The following ZBED3 variants were observed in gnomAD, a reference collection of about 807,000 sequenced individuals.
ZBED3 encodes zinc finger BED-type containing 3.
For synonymous variants in ZBED3, 175 were observed against 180.0 expected, an observed-to-expected ratio of 0.97 and a Z score of 0.22; for missense variants, 388 against 362.9, an observed-to-expected ratio of 1.07 and a Z score of -0.56.
chr5:77,077,701 CG>C lies in ZBED3; in HGVS notation c.177del (p.His61IlefsTer33), dbSNP rs1236057379. 3 of 1,345,820 alleles carry C rather than the reference CG, an allele frequency of 2.2e-6. No individual in the cohort carries two copies. Among genetic ancestry groups the C allele is most frequent in the South Asian group, 1.8e-5 (1 of 55,162 alleles). 83.4% of individuals were successfully genotyped at this position (1,345,820 alleles called of 1,614,324 possible). A position where few individuals can be genotyped will look rare whatever the true frequency, so the allele number is the denominator to read the frequency against. On this transcript the variant is annotated frameshift_variant, in exon 3 of 3. Transcript: ENST00000255198. LOFTEE classifies it low-confidence loss of function (END_TRUNC). ...WGYFHLAPGR[P>X]GHPSGHWATC... ...GTGGCCCAGTGGCCCGACGGATGCC[CG>C]GGGCGCCCCGGCGCCAGGTGGAAGT... is the stretch of plus-strand genomic sequence containing the variant.
Position 77,084,178 on chromosome 5 carries a change from C to T in ZBED3, c.-153+2933G>A, listed in dbSNP as rs187020777. 4.4e-4 allele frequency among the ~76,000 whole-genome samples: 67 copies of T among 152,274 alleles called. No individual in the cohort carries two copies. The East Asian group carries it at 7.7e-3, about 18-fold the overall frequency. ...ATAGTCTTTGCCCTCAGGAAGCGTACGGTCTGGTTGGGAAAGAGATGCTTC... is the reference window on the plus strand; with the variant it reads ...ATAGTCTTTGCCCTCAGGAAGCGTATGGTCTGGTTGGGAAAGAGATGCTTC... On this transcript the variant is annotated intron_variant, in intron 1 of 2. Coordinates refer to ENST00000255198, the MANE Select transcript of ZBED3 (RefSeq NM_032367.4).
Position 77,077,151 on chromosome 5 carries a change from G to T in ZBED3, c.*23C>A. ...GCATTGGACGGAGAAGCGCTGTCCT[G>T]GGGTGGGGAAGTGGCCACACCCCTA... On this transcript the variant is annotated 3_prime_UTR_variant, in exon 3 of 3. Transcript: ENST00000255198. 1 of 1,410,314 alleles carries T rather than the reference G, an allele frequency of 7.1e-7. No homozygotes were observed. Among genetic ancestry groups the T allele is most frequent in the Non-Finnish European group, 9.2e-7 (1 of 1,082,580 alleles). 87.4% of individuals were successfully genotyped at this position (1,410,314 alleles called of 1,614,324 possible).
Position 77,075,969 on chromosome 5 carries a change from A to ATGTATATATG in ZBED3, c.*1204_*1205insCATATATACA, listed in dbSNP as rs1554048027. On this transcript the variant is annotated 3_prime_UTR_variant, in exon 3 of 3. Coordinates refer to ENST00000255198, the MANE Select transcript of ZBED3 (RefSeq NM_032367.4). ...CATATATATATATATATATATATGT[A>ATGTATATATG]TATGTATATATGTATATATATATGT... 1 of 20,164 alleles carries ATGTATATATG rather than the reference A, an allele frequency of 5.0e-5. No individual in the cohort carries two copies. The highest frequency in any genetic ancestry group is 9.9e-5 in the Non-Finnish European group (1 of 10,138). The allele number at this position is 20,164 out of a possible 1,614,324, so 1.2% of individuals were successfully genotyped here.
Position 77,077,522 on chromosome 5 carries a change from G to A in ZBED3, c.357C>T (p.Pro119=). 1 of 1,204,350 alleles carries A rather than the reference G, an allele frequency of 8.3e-7. No individual in the cohort carries two copies. Among genetic ancestry groups the A allele is most frequent in the Non-Finnish European group, 1.0e-6 (1 of 973,374 alleles). 74.6% of individuals were successfully genotyped at this position (1,204,350 alleles called of 1,614,324 possible). The part of the protein sequence containing the change: ...SPPAAPCPPP[P]GPAAAPEGDW... Reference sequence around the variant, plus strand: ...CGCCCTCGGGGGCCGCAGCGGGGCCGGGCGGCGGCGGGCAGGGCGCGGCAG... The same window carrying A: ...CGCCCTCGGGGGCCGCAGCGGGGCCAGGCGGCGGCGGGCAGGGCGCGGCAG... Residue 119 remains proline, a synonymous_variant, in exon 3 of 3, where the codon CCC becomes CCT. Coordinates refer to ENST00000255198, the MANE Select transcript of ZBED3 (RefSeq NM_032367.4).
At position 77,075,315 on chromosome 5, in the gene ZBED3, G is replaced by A. The variant is rs541373195; in HGVS notation, c.*1859C>T. 3.9e-5 allele frequency: 6 copies of A among 152,350 alleles called. No homozygotes were observed. In the East Asian group the frequency reaches 1.2e-3, roughly 29 times the overall value. 9.4% of individuals were successfully genotyped at this position (152,350 alleles called of 1,614,324 possible). On this transcript the variant is annotated 3_prime_UTR_variant, in exon 3 of 3. Transcript: ENST00000255198. ...ATGTTGGGGTTGTTGTAGACTGAAAGTGACTAGAGTTGAAACCAAAAGAAT... is the reference window on the plus strand; with the variant it reads ...ATGTTGGGGTTGTTGTAGACTGAAAATGACTAGAGTTGAAACCAAAAGAAT...
intron 1 of ZBED3, among the ~76,000 whole-genome samples, chr5:77,083,474 C>T (rs1375147433): frequency 1.3e-5 from 2 of 152,182 alleles, no homozygotes; most frequent in Non-Finnish European, 2.9e-5. Context: ...CCCAGCCCAC[C>T]CGAGTCTCAA....
At chr5:77,084,802 C>A (rs1561300095) in intron 1 of ZBED3, among the ~76,000 whole-genome samples, 1 of 152,192 alleles carries the variant, frequency 6.6e-6, no homozygotes, top group Non-Finnish European at 1.5e-5. Flanking sequence ...AAACACATTA[C>A]CCTTAGTACT....
intron 1 of ZBED3, among the ~76,000 whole-genome samples, chr5:77,086,533 G>A (rs2150743742): frequency 6.6e-6 from 1 of 151,956 alleles, no homozygotes; most frequent in African/African-American, 2.4e-5. Context: ...TTCCTTCAAG[G>A]GGGTTTTTGC....
rs1201031272 is a variant in ZBED3 at position 77,073,883 on chromosome 5, T to C, written c.*3291A>G. 6.6e-6 allele frequency: 1 copy of C among 152,172 alleles called. No individual in the cohort carries two copies. The allele number at this position is 152,172 out of a possible 1,614,324, so 9.4% of individuals were successfully genotyped here. ...TCAGGGTCAGGCAGGGGAGGTGAGA[T>C]AAAAACCCACAGCCATACACTAGCT... On this transcript the variant is annotated 3_prime_UTR_variant, in exon 3 of 3. Coordinates refer to ENST00000255198, the MANE Select transcript of ZBED3 (RefSeq NM_032367.4).
chr5:77,078,887 C>T (rs1743076855), intron 1 of ZBED3, among the ~76,000 whole-genome samples, 159 bp from the exon 2 acceptor site: 3 of 152,176 alleles, frequency 2.0e-5, no homozygotes, highest in African/African-American at 7.2e-5. Flanking sequence ...AATTAGTTTT[C>T]TTTATTGTTT....
rs1400792086 is a variant in ZBED3 at position 77,072,275 on chromosome 5, T to C, written c.*4899A>G. On this transcript the variant is annotated 3_prime_UTR_variant, in exon 3 of 3. Transcript: ENST00000255198. ...ATGCTGCCTTTACTTAACCTTAATA[T>C]ACCACTATCAAGACCAATTTATGAG... 6.6e-6 allele frequency: 1 copy of C among 152,224 alleles called. No individual in the cohort carries two copies. The highest frequency in any genetic ancestry group is 1.5e-5 in the Non-Finnish European group (1 of 68,048). 9.4% of individuals were successfully genotyped at this position (152,224 alleles called of 1,614,324 possible). A position where few individuals can be genotyped will look rare whatever the true frequency, so the allele number is the denominator to read the frequency against.
chr5:77,083,743 G>A (rs1236336350), intron 1 of ZBED3, among the ~76,000 whole-genome samples: 1 of 152,082 alleles, frequency 6.6e-6, no homozygotes, highest in Non-Finnish European at 1.5e-5. Context: ...ATCCCCTTGG[G>A]AATTGACTAC....
intron 1 of ZBED3, among the ~76,000 whole-genome samples, chr5:77,084,149 T>A (rs1035428637): frequency 2.0e-5 from 3 of 152,184 alleles, no homozygotes; most frequent in Non-Finnish European, 4.4e-5. Flanking sequence ...AAGAGGAACG[T>A]CACATAGTCT....
At position 77,076,040 on chromosome 5, in the gene ZBED3, T is replaced by C. The variant is rs11952271; in HGVS notation, c.*1134A>G. The C allele has an allele frequency of 0.022, 1,946 of 87,448 alleles. 296 individuals are homozygous for C. The highest frequency in any genetic ancestry group is 0.074 in the African/African-American group (1,853 of 24,902). The allele number at this position is 87,448 out of a possible 1,614,324, so 5.4% of individuals were successfully genotyped here. On this transcript the variant is annotated 3_prime_UTR_variant, in exon 3 of 3. Coordinates refer to ENST00000255198, the MANE Select transcript of ZBED3 (RefSeq NM_032367.4). ...ATATATGTATATATATATGTATATA[T>C]GTATATATATATATAATATATACAC... is the stretch of plus-strand genomic sequence containing the variant.
At chr5:77,079,013 G>C (rs1033262444) in intron 1 of ZBED3, 10 of 152,154 alleles carry the variant, frequency 6.6e-5, no homozygotes, top group African/African-American at 2.2e-4. Flanking sequence ...CACAAAATCT[G>C]TTAAAAGGAT....
At position 77,076,025 on chromosome 5, in the gene ZBED3, A is replaced by ATATATG. The variant is rs374413293; in HGVS notation, c.*1148_*1149insCATATA. On this transcript the variant is annotated 3_prime_UTR_variant, in exon 3 of 3. Transcript: ENST00000255198. The stretch of plus-strand genomic sequence containing the variant: ...TGTATATATATATGTATATATGTAT[A>ATATATG]TATATATGTATATATGTATATATAT... The ATATATG allele has an allele frequency of 4.2e-3, 306 of 72,528 alleles. 39 individuals are homozygous for ATATATG. Among genetic ancestry groups the ATATATG allele is most frequent in the Non-Finnish European group, 7.6e-3 (266 of 35,144 alleles). The allele number at this position is 72,528 out of a possible 1,614,324, so 4.5% of individuals were successfully genotyped here. A position where few individuals can be genotyped will look rare whatever the true frequency, so the allele number is the denominator to read the frequency against.
chr5:77,084,967 A>C (rs1022716832), intron 1 of ZBED3, among the ~76,000 whole-genome samples: 7 of 152,248 alleles, frequency 4.6e-5, no homozygotes, highest in African/African-American at 1.7e-4. Context: ...AAAACTGAAA[A>C]GACAAATGTA....
At chr5:77,080,173 G>A (rs770355469) in intron 1 of ZBED3, among the ~76,000 whole-genome samples, 2 of 152,124 alleles carry the variant, frequency 1.3e-5, no homozygotes, top group Non-Finnish European at 2.9e-5. Flanking sequence ...ACATAAACCC[G>A]CAGATTCTCT....
Position 77,074,200 on chromosome 5 carries a change from A to G in ZBED3, c.*2974T>C, listed in dbSNP as rs1341848063. 1 of 152,276 alleles carries G rather than the reference A, an allele frequency of 6.6e-6. No individual in the cohort carries two copies. The highest frequency in any genetic ancestry group is 1.5e-5 in the Non-Finnish European group (1 of 68,136). The allele number at this position is 152,276 out of a possible 1,614,324, so 9.4% of individuals were successfully genotyped here. A position where few individuals can be genotyped will look rare whatever the true frequency, so the allele number is the denominator to read the frequency against. ...CAGAGGGGGACTTGAATGTCAGGTG[A>G]CAGAGTCAAAGCTTGCACTCAAGTA... On this transcript the variant is annotated 3_prime_UTR_variant, in exon 3 of 3. Coordinates refer to ENST00000255198, the MANE Select transcript of ZBED3 (RefSeq NM_032367.4).
Sources: gnomAD v4.1 joint callset for allele counts (sites outside exome capture counted in the v4.1 genomes callset) on GRCh38, gnomAD v4.1.1 for gene constraint, MANE v1.5 for transcripts, NCBI Gene and HGNC (gene_info 2026-07-23, HGNC 2026-07-21) for gene names.